The following L3MBTL4 variants were observed in gnomAD, a reference collection of about 807,000 sequenced individuals.
The protein encoded by L3MBTL4 is L3MBTL histone methyl-lysine binding protein 4.
A neutral mutation model predicts 84.5 loss-of-function variants in L3MBTL4; 70 were observed. That is an observed-to-expected ratio of 0.83 (90% CI 0.68 to 1.01). The LOEUF is 1.01. Ranked by LOEUF, L3MBTL4 falls within the 50% of genes least tolerant of loss-of-function variation. The probability of loss-of-function intolerance (pLI) is 0.00; values close to 1 mark genes in which losing one functional copy is unlikely to be tolerated. For missense variants in L3MBTL4, 715 were observed against 754.8 expected (o/e 0.95, Z 0.62); for synonymous variants, 274 against 259.8 (o/e 1.05, Z -0.52).
chr18:6,031,480 G>T (rs1343275266), intron 16 of L3MBTL4: 38 of 985,394 alleles, frequency 3.9e-5, no homozygotes, highest in Non-Finnish European at 4.6e-5. Context: ...GGGACCATCA[G>T]CATCTCATTT....
intron 12 of L3MBTL4, among the ~76,000 whole-genome samples, chr18:6,205,643 CT>C (rs1477416686): frequency 5.3e-5 from 8 of 152,200 alleles, no homozygotes; most frequent in African/African-American, 1.9e-4. Flanking sequence ...TCTCCTTCCC[CT>C]GAGTCCATCA....
chr18:6,005,792 T>A (rs562968734), intron 16 of L3MBTL4, among the ~76,000 whole-genome samples: 9 of 152,318 alleles, frequency 5.9e-5, no homozygotes, highest in African/African-American at 2.2e-4. Context: ...AGTGCTGTGA[T>A]GAACATATGC....
At chr18:6,341,225 A>G (rs2052594487) in intron 1 of L3MBTL4, among the ~76,000 whole-genome samples, 1 of 152,102 alleles carries the variant, frequency 6.6e-6, no homozygotes, top group African/African-American at 2.4e-5. Context: ...CAAAGAATCA[A>G]AAAAACACAA....
In L3MBTL4 at chr18:6,032,209, T is replaced by C. The variant is rs137954033; in HGVS notation, c.1444+48672A>G. Reference sequence around the variant, plus strand: ...GGCCAGGATGGTCTTGATCTCCTGATCTCGTGATCTGCCTGCCTCGGCCTC... The same window carrying C: ...GGCCAGGATGGTCTTGATCTCCTGACCTCGTGATCTGCCTGCCTCGGCCTC... On this transcript the variant is annotated intron_variant, in intron 16 of 18. Coordinates refer to ENST00000317931, the MANE Select transcript of L3MBTL4 (RefSeq NM_001330559.2). The C allele has an allele frequency of 1.0e-3, 455 of 443,110 alleles. 1 individual carries two copies. Among genetic ancestry groups the C allele is most frequent in the African/African-American group, 6.1e-3 (281 of 46,166 alleles). The allele number at this position is 443,110 out of a possible 1,614,324, so 27.4% of individuals were successfully genotyped here.
intron 14 of L3MBTL4, among the ~76,000 whole-genome samples, chr18:6,101,694 G>C (rs1447783897): frequency 6.6e-6 from 1 of 152,206 alleles, no homozygotes; most frequent in African/African-American, 2.4e-5. Flanking sequence ...GCTCTGAATG[G>C]AGAGGACTAA....
chr18:6,109,483 C>T lies in L3MBTL4; in HGVS notation c.1200-15955G>A, dbSNP rs117386957. Among the ~76,000 whole-genome samples the T allele has an allele frequency of 2.2e-3, 337 of 152,208 alleles. 17 individuals carry two copies. The East Asian group carries it at 0.05, about 23-fold the overall frequency. On this transcript the variant is annotated intron_variant, in intron 14 of 18. Transcript: ENST00000317931. The stretch of plus-strand genomic sequence containing the variant: ...CAGTAGCTGTCCAGGACGTCCCTGC[C>T]CCTTTGCTGGCCTGAGCACCCCTCT...
chr18:6,233,848 T>C (rs1599263965), intron 10 of L3MBTL4, among the ~76,000 whole-genome samples: 1 of 152,270 alleles, frequency 6.6e-6, no homozygotes, highest in Middle Eastern at 3.4e-3. Context: ...AAAAAGGGCC[T>C]GCATTGTCAA....
intron 13 of L3MBTL4, among the ~76,000 whole-genome samples, chr18:6,161,385 C>T (rs796391022): frequency 1.3e-5 from 2 of 152,250 alleles, no homozygotes; most frequent in African/African-American, 4.8e-5. Context: ...TCTCAAGAGG[C>T]TTTTCCCTGT....
At chr18:6,046,202 C>CTT (rs1253114965) in intron 16 of L3MBTL4, among the ~76,000 whole-genome samples, 1 of 152,126 alleles carries the variant, frequency 6.6e-6, no homozygotes, top group Non-Finnish European at 1.5e-5. Flanking sequence ...AACTAGAAGA[C>CTT]TTAGCTATCC....
chr18:6,295,841 T>C (rs2050087268), intron 4 of L3MBTL4, among the ~76,000 whole-genome samples: 1 of 152,110 alleles, frequency 6.6e-6, no homozygotes, highest in Admixed American at 6.5e-5. Context: ...TAATCTCCAG[T>C]GCTGGAGGTG....
chr18:6,096,756 G>T (rs1021383847), intron 14 of L3MBTL4, among the ~76,000 whole-genome samples: 17 of 152,192 alleles, frequency 1.1e-4, no homozygotes, highest in Non-Finnish European at 2.1e-4. Flanking sequence ...GTACTGTTCT[G>T]ACATAGTCTC....
intron 16 of L3MBTL4, among the ~76,000 whole-genome samples, chr18:6,019,042 A>G (rs149421785): frequency 2.0e-5 from 3 of 152,346 alleles, no homozygotes; most frequent in African/African-American, 7.2e-5. Context: ...TCTTCCCCCA[A>G]GGAAACAAAG....
chr18:6,005,690 A>G (rs1018921344), intron 16 of L3MBTL4, among the ~76,000 whole-genome samples: 6 of 152,178 alleles, frequency 3.9e-5, no homozygotes, highest in Non-Finnish European at 7.3e-5. Flanking sequence ...ACGGCCATGT[A>G]GTATTCCATG....
intron 1 of L3MBTL4, among the ~76,000 whole-genome samples, chr18:6,321,915 G>A (rs552434075): frequency 6.6e-6 from 1 of 152,100 alleles, no homozygotes; most frequent in South Asian, 2.1e-4. Context: ...TAGAAAGGGG[G>A]TGAGGGAGAA....
intron 16 of L3MBTL4, among the ~76,000 whole-genome samples, chr18:6,038,599 A>G (rs967527915): frequency 2.0e-5 from 3 of 152,052 alleles, no homozygotes; most frequent in African/African-American, 7.3e-5. Context: ...GATCCTAGTA[A>G]AAGACAGCAA....
intron 16 of L3MBTL4, among the ~76,000 whole-genome samples, chr18:6,067,367 T>G (rs567515636): frequency 6.6e-6 from 1 of 152,358 alleles, no homozygotes; most frequent in East Asian, 1.9e-4. Context: ...AAGGAAGTTT[T>G]CCTCAATTAT....
intron 16 of L3MBTL4, among the ~76,000 whole-genome samples, chr18:5,990,466 C>A (rs2053639956): frequency 6.6e-6 from 1 of 152,166 alleles, no homozygotes. Flanking sequence ...AAAAGAATTT[C>A]TTGCACTTCA....
At chr18:6,166,474 C>T (rs1568238916) in intron 13 of L3MBTL4, among the ~76,000 whole-genome samples, 2 of 152,176 alleles carry the variant, frequency 1.3e-5, no homozygotes, top group Admixed American at 6.5e-5. Flanking sequence ...TTATAACAAA[C>T]TGTCTCTCAG....
At chr18:6,012,970 A>G (rs74253882) in intron 16 of L3MBTL4, among the ~76,000 whole-genome samples, 3 of 151,972 alleles carry the variant, frequency 2.0e-5, no homozygotes, top group Admixed American at 6.5e-5. Context: ...TTCTTCTCCA[A>G]GGGGCAGCCA....
Sources: allele counts gnomAD v4.1 joint callset (sites outside exome capture counted in the v4.1 genomes callset), GRCh38; gene constraint gnomAD v4.1.1; transcripts MANE v1.5; gene names NCBI Gene and HGNC (gene_info 2026-07-23, HGNC 2026-07-21).